Variants in TRABD observed in about 807,000 individuals in gnomAD.
TRABD encodes TraB domain containing, also known as traB domain-containing protein.
TRABD carries 23 observed loss-of-function variants against 39.6 expected under a neutral mutation model. The observed-to-expected ratio is 0.58, with a 90% CI of 0.42 to 0.82. The LOEUF (loss-of-function observed/expected upper bound fraction) is 0.82. Among genes scored for constraint, TRABD ranks in the 40% least tolerant of loss-of-function variants. TRABD has a pLI of 0.00. For missense variants in TRABD, 487 were observed against 544.9 expected (o/e 0.89, Z 1.06); for synonymous variants, 243 against 232.1 (o/e 1.05, Z -0.43).
chr22:50,199,125 C>G lies in TRABD; in HGVS notation c.*606C>G, dbSNP rs1482707503. The G allele has an allele frequency of 1.4e-6, 1 of 719,546 alleles. No homozygotes were observed. The allele number at this position is 719,546 out of a possible 1,614,324, so 44.6% of individuals were successfully genotyped here. A position where few individuals can be genotyped will look rare whatever the true frequency, so the allele number is the denominator to read the frequency against. ...GTAATTTTAATTTCAGAGAGAAAAA[C>G]TGAAGTAAATGTCAAAAAACACCAG... On this transcript the variant is annotated 3_prime_UTR_variant, in exon 10 of 10. Coordinates refer to ENST00000380909, the MANE Select transcript of TRABD (RefSeq NM_001320485.2).
chr22:50,193,534 G>A (rs202183574), intron 2 of TRABD, 42 bp from the exon 3 acceptor site: 160 of 1,593,310 alleles, frequency 1.0e-4, no homozygotes, highest in Middle Eastern at 1.7e-4. Flanking sequence ...TGGCTTTCTG[G>A]GGTGCATGGA....
At chr22:50,191,098 T>C (rs779606073) in intron 1 of TRABD, among the ~76,000 whole-genome samples, 1 of 152,134 alleles carries the variant, frequency 6.6e-6, no homozygotes, top group Non-Finnish European at 1.5e-5. Context: ...AGCTGTCTCC[T>C]TAGTCTCAGC....
Position 50,185,953 on chromosome 22 carries a change from G to T in TRABD, c.-58G>T. The T allele has an allele frequency of 6.7e-6, 1 of 148,878 alleles. No homozygotes were observed. Among genetic ancestry groups the T allele is most frequent in the South Asian group, 2.0e-4 (1 of 4,932 alleles). 9.2% of individuals were successfully genotyped at this position (148,878 alleles called of 1,614,324 possible). The stretch of plus-strand genomic sequence containing the variant: ...GGCCCGCGCCGCATGGAGGCCGGCT[G>T]AGGAGCGCCGCTGCCTCGCCTCGGT... On this transcript the variant is annotated 5_prime_UTR_variant, in exon 1 of 10. It removes the in-frame stop codon of an upstream open reading frame in the 5' UTR. Transcript: ENST00000380909.
rs1360554317 is a variant in TRABD at position 50,198,703 on chromosome 22, ACTGT to A, written c.*188_*191del. On this transcript the variant is annotated 3_prime_UTR_variant, in exon 10 of 10. Transcript: ENST00000380909. The surrounding 1 kb of genome is among the most constrained non-coding windows in gnomAD (Gnocchi z 7.9). ...GCCCACCCAAATAAAGGATTATTTA[ACTGT>A]CTGAGCTCAGGCCTCCCGGCAGCCC... 3 of 614,642 alleles carry A rather than the reference ACTGT, an allele frequency of 4.9e-6. No homozygotes were observed. The highest frequency in any genetic ancestry group is 3.5e-5 in the Admixed American group (1 of 28,322). The allele number at this position is 614,642 out of a possible 1,614,324, so 38.1% of individuals were successfully genotyped here.
At chr22:50,187,457 C>T (rs2063789695) in intron 1 of TRABD, among the ~76,000 whole-genome samples, 1 of 152,256 alleles carries the variant, frequency 6.6e-6, no homozygotes, top group Admixed American at 6.5e-5. Context: ...ATTTCTGCAA[C>T]CCCCAGGTCT....
At position 50,197,275 on chromosome 22, in the gene TRABD, T is replaced by TG; in HGVS notation, c.456dup (p.Leu153AlafsTer38). ...ATGTCGGGGCTGATGCAGATGCTGCTGCTGAAGGTGTCTGCACACATCACC... is the reference window on the plus strand; with the variant it reads ...ATGTCGGGGCTGATGCAGATGCTGCTGGCTGAAGGTGTCTGCACACATCACC... On this transcript the variant is annotated frameshift_variant, in exon 6 of 10. Transcript: ENST00000380909. LOFTEE classifies it high-confidence loss of function. 1 of 1,613,632 alleles carries TG rather than the reference T, an allele frequency of 6.2e-7. No individual in the cohort carries two copies. The highest frequency in any genetic ancestry group is 8.5e-7 in the Non-Finnish European group (1 of 1,180,010).
rs183551813 is a variant in TRABD at position 50,189,273 on chromosome 22, C to T, written c.-35+3297C>T. On this transcript the variant is annotated intron_variant, in intron 1 of 9. Coordinates refer to ENST00000380909, the MANE Select transcript of TRABD (RefSeq NM_001320485.2). ...GGATGCTGGCCCTGGAGGCAGGTTC[C>T]CGCCTTAAACGGCGGCTCCTGCCCA... Among the ~76,000 whole-genome samples, 824 of 152,334 alleles carry T rather than the reference C, an allele frequency of 5.4e-3. 3 individuals are homozygous for T. Among genetic ancestry groups the T allele is most frequent in the Non-Finnish European group, 8.3e-3 (566 of 68,024 alleles).
intron 1 of TRABD, chr22:50,191,956 A>C (rs2063920070): frequency 6.6e-6 from 1 of 152,010 alleles, no homozygotes; most frequent in African/African-American, 2.4e-5. Context: ...TTTCACCAGG[A>C]TGGTCTATGT....
At chr22:50,194,250 C>T in intron 3 of TRABD, 90 bp from the exon 4 acceptor site, 2 of 1,506,878 alleles carry the variant, frequency 1.3e-6, no homozygotes, top group East Asian at 2.3e-5. Flanking sequence ...TCTCAGAACC[C>T]AGGAGGGTTC....
intron 1 of TRABD, among the ~76,000 whole-genome samples, chr22:50,189,447 A>G (rs192051009): frequency 6.6e-5 from 10 of 152,332 alleles, no homozygotes; most frequent in Non-Finnish European, 1.3e-4. Context: ...GGGAGAGTGA[A>G]GCACAGCTGG....
chr22:50,197,987 C>T lies in TRABD; in HGVS notation c.836C>T (p.Ala279Val). 6.2e-7 allele frequency: 1 copy of T among 1,611,746 alleles called. No homozygotes were observed. Among genetic ancestry groups the T allele is most frequent in the Non-Finnish European group, 8.5e-7 (1 of 1,179,278 alleles). Residue 279 changes from alanine (A) to valine (V), a missense_variant, in exon 8 of 10, where the codon GCC becomes GTC. This residue lies in a region of TRABD where 358 missense variants were observed against 414.7 expected (regional missense o/e 0.86). Coordinates refer to ENST00000380909, the MANE Select transcript of TRABD (RefSeq NM_001320485.2). Reference sequence around the variant, plus strand: ...GCGCGGCGCCTCGAGCTGCCTCGGGCCTCTGACGGTGACGGCCGCCCGCAG... The same window carrying T: ...GCGCGGCGCCTCGAGCTGCCTCGGGTCTCTGACGGTGACGGCCGCCCGCAG... ...QAARRLELPR[A>V]SDAEPRKCVP...
At position 50,198,980 on chromosome 22, in the gene TRABD, C is replaced by T; in HGVS notation, c.*461C>T. 1 of 628,240 alleles carries T rather than the reference C, an allele frequency of 1.6e-6. No individual in the cohort carries two copies. Among genetic ancestry groups the T allele is most frequent in the Middle Eastern group, 4.2e-4 (1 of 2,380 alleles). The allele number at this position is 628,240 out of a possible 1,614,324, so 38.9% of individuals were successfully genotyped here. A position where few individuals can be genotyped will look rare whatever the true frequency, so the allele number is the denominator to read the frequency against. On this transcript the variant is annotated 3_prime_UTR_variant, in exon 10 of 10. Transcript: ENST00000380909. The surrounding 1 kb of genome is among the most constrained non-coding windows in gnomAD (Gnocchi z 7.9). The stretch of plus-strand genomic sequence containing the variant: ...GACTGGGAAAGGCCCAGCCCTGGAG[C>T]TCCAGCCGACCCCACCGTGCCCCTG...
intron 1 of TRABD, among the ~76,000 whole-genome samples, chr22:50,192,787 C>T (rs2063952245): frequency 6.6e-6 from 1 of 152,270 alleles, no homozygotes; most frequent in Non-Finnish European, 1.5e-5. Flanking sequence ...CTGGGCCCGT[C>T]TGCGTTTGGT....
In TRABD at chr22:50,198,855, G is replaced by A; in HGVS notation, c.*336G>A. ...GCCCTCTCAGCCCTGGTGGCAGGCG[G>A]GGGACAATGGCCACTGTCCCTACCT... is the stretch of plus-strand genomic sequence containing the variant. On this transcript the variant is annotated 3_prime_UTR_variant, in exon 10 of 10. Coordinates refer to ENST00000380909, the MANE Select transcript of TRABD (RefSeq NM_001320485.2). This position sits in a 1 kb window ranked among gnomAD's most constrained non-coding sequence, Gnocchi z 7.9. 1 of 539,576 alleles carries A rather than the reference G, an allele frequency of 1.9e-6. No individual in the cohort carries two copies. Among genetic ancestry groups the A allele is most frequent in the Non-Finnish European group, 3.3e-6 (1 of 302,088 alleles). 33.4% of individuals were successfully genotyped at this position (539,576 alleles called of 1,614,324 possible).
Position 50,193,016 on chromosome 22 carries a change from C to A in TRABD, c.-34-11C>A. On this transcript the variant is annotated splice_polypyrimidine_tract_variant and intron_variant, in intron 1 of 9. Coordinates refer to ENST00000380909, the MANE Select transcript of TRABD (RefSeq NM_001320485.2). ...CCAGGTGGAAACCCCGCCTCTCATG[C>A]CTCTCCTCAGGCTCCCCACAGGTGC... The A allele has an allele frequency of 6.5e-7, 1 of 1,542,420 alleles. No individual in the cohort carries two copies. Among genetic ancestry groups the A allele is most frequent in the Non-Finnish European group, 8.7e-7 (1 of 1,146,700 alleles).
intron 1 of TRABD, among the ~76,000 whole-genome samples, chr22:50,188,128 A>C (rs186720853): frequency 1.5e-3 from 229 of 150,028 alleles, no homozygotes; most frequent in African/African-American, 5.4e-3. Flanking sequence ...AAAAATACAA[A>C]AATTAGCTGG....
chr22:50,194,875 G>C, intron 4 of TRABD, 25 bp from the exon 5 acceptor site: 1 of 1,608,182 alleles, frequency 6.2e-7, no homozygotes, highest in Non-Finnish European at 8.5e-7. Flanking sequence ...CTGTGTTCTC[G>C]AGGTGTGACC....
intron 1 of TRABD, among the ~76,000 whole-genome samples, chr22:50,188,861 C>G (rs959826995): frequency 6.6e-6 from 1 of 152,208 alleles, no homozygotes; most frequent in Admixed American, 6.5e-5. Flanking sequence ...CTGTAGATGC[C>G]GCTCTGATTT....
chr22:50,197,862 G>A lies in TRABD; in HGVS notation c.711G>A (p.Leu237=), dbSNP rs755492222. The part of the protein sequence containing the change: ...DVERCKQKDL[L]EQMMAEMIGE... Reference sequence around the variant, plus strand: ...AACGCTGCAAGCAGAAGGACCTACTGGAGCAGATGATGGCCGAGATGATTG... The same window carrying A: ...AACGCTGCAAGCAGAAGGACCTACTAGAGCAGATGATGGCCGAGATGATTG... The change falls in exon 8 of 10, where the codon CTG becomes CTA. Residue 237 remains leucine (L), a synonymous_variant. Transcript: ENST00000380909. 2.8e-5 allele frequency: 45 copies of A among 1,610,220 alleles called. No homozygotes were observed. The Admixed American group carries it at 7.2e-4, about 26-fold the overall frequency.
Sources: gnomAD v4.1 joint callset for allele counts (sites outside exome capture counted in the v4.1 genomes callset) on GRCh38, gnomAD v4.1.1 for gene constraint, gnomAD v4.1.1 regional missense constraint, Gnocchi (gnomAD v3.1) non-coding constraint, MANE v1.5 for transcripts, NCBI Gene and HGNC (gene_info 2026-07-23, HGNC 2026-07-21) for gene names.